The following PRKG1 variants were observed in gnomAD, a reference collection of about 807,000 sequenced individuals.
The protein encoded by PRKG1 is protein kinase cGMP-dependent 1.
A neutral mutation model predicts 88.1 loss-of-function variants in PRKG1; 35 were observed. The ratio of observed to expected loss-of-function variants is 0.40; its 90% CI spans 0.30 to 0.53. PRKG1 has a LOEUF of 0.53. PRKG1 is among the 20% of genes least tolerant of loss of function. The pLI is 0.59. For missense variants in PRKG1, 540 were observed against 839.8 expected, an observed-to-expected ratio of 0.64 and a Z score of 4.41; for synonymous variants, 303 against 292.5, an observed-to-expected ratio of 1.04 and a Z score of -0.37.
chr10:51,732,192 T>A (rs1342605411), intron 3 of PRKG1, among the ~76,000 whole-genome samples: 1 of 152,152 alleles, frequency 6.6e-6, no homozygotes, highest in African/African-American at 2.4e-5. Context: ...CCCAGAGTGC[T>A]GGGTCTACGG....
At chr10:51,098,710 T>C (rs987335514) in intron 1 of PRKG1, among the ~76,000 whole-genome samples, 2 of 152,368 alleles carry the variant, frequency 1.3e-5, no homozygotes, top group African/African-American at 4.8e-5. Flanking sequence ...ATTGTCAAGC[T>C]GTCCATGAAG....
rs369449919 is a variant in PRKG1 at position 52,203,785 on chromosome 10, T to A, written c.1076+41822T>A. 5.9e-5 allele frequency among the ~76,000 whole-genome samples: 9 copies of A among 152,332 alleles called. No homozygotes were observed. The East Asian group carries it at 1.7e-3, about 29-fold the overall frequency. The stretch of plus-strand genomic sequence containing the variant: ...ATATAATGCCCTTCTTTGCCTTTAT[T>A]TATCATTGTCGGATTAAAGTCTGTT... On this transcript the variant is annotated intron_variant, in intron 9 of 17. Transcript: ENST00000373980.
chr10:52,196,497 A>G (rs888040888), intron 9 of PRKG1, among the ~76,000 whole-genome samples: 7 of 152,252 alleles, frequency 4.6e-5, no homozygotes, highest in South Asian at 4.1e-4. Context: ...TAATTAAAAC[A>G]TAAATTAGAA....
intron 3 of PRKG1, among the ~76,000 whole-genome samples, chr10:51,537,589 C>T (rs1450654133): frequency 2.0e-5 from 3 of 151,848 alleles, no homozygotes; most frequent in Non-Finnish European, 2.9e-5. Context: ...ATTAGCTAGG[C>T]GTGGTGGCAT....
At chr10:51,767,401 T>C (rs1418830853) in intron 3 of PRKG1, among the ~76,000 whole-genome samples, 1 of 152,168 alleles carries the variant, frequency 6.6e-6, no homozygotes, top group African/African-American at 2.4e-5. Flanking sequence ...AGGAACTGTT[T>C]GGTTTGTAAG....
At chr10:51,681,930 G>A (rs763188758) in intron 3 of PRKG1, among the ~76,000 whole-genome samples, 3 of 152,062 alleles carry the variant, frequency 2.0e-5, no homozygotes, top group Non-Finnish European at 4.4e-5. Flanking sequence ...ATATATGTGC[G>A]CTATATATAT....
chr10:52,278,510 G>GT (rs1841925136), intron 12 of PRKG1, among the ~76,000 whole-genome samples: 1 of 152,134 alleles, frequency 6.6e-6, no homozygotes, highest in Admixed American at 6.6e-5. Context: ...ACATGCACAT[G>GT]TATGTTTATT....
Position 52,293,887 on chromosome 10 carries a change from A to G in PRKG1, c.2048A>G (p.Asp683Gly), listed in dbSNP as rs1564549596. The change falls in exon 18 of 18, where the codon GAT becomes GGT. Residue 683 changes from aspartate (D) to glycine (G), a missense_variant. Asp to Gly is a moderately conservative substitution (Grantham distance 94). Coordinates refer to ENST00000373980, the MANE Select transcript of PRKG1 (RefSeq NM_006258.4). ...CCACCTGATGACAACTCAGGATGGG[A>G]TATAGACTTCTAATGTATTTCTCTT... Reference protein sequence around the residue: ...EPPPDDNSGWDIDF With the variant: ...EPPPDDNSGWGIDF 6.2e-7 allele frequency: 1 copy of G among 1,610,096 alleles called. No homozygotes were observed. Among genetic ancestry groups the G allele is most frequent in the Non-Finnish European group, 8.5e-7 (1 of 1,176,636 alleles).
At chr10:51,440,260 G>A (rs1839062502) in intron 2 of PRKG1, among the ~76,000 whole-genome samples, 1 of 151,634 alleles carries the variant, frequency 6.6e-6, no homozygotes, top group Non-Finnish European at 1.5e-5. Flanking sequence ...TATAGTATAA[G>A]TACAGACAGT....
chr10:51,758,418 G>A (rs1589262866), intron 3 of PRKG1, among the ~76,000 whole-genome samples: 1 of 152,168 alleles, frequency 6.6e-6, no homozygotes, highest in East Asian at 1.9e-4. Context: ...TAGTCAGTGG[G>A]TTATTGGCCC....
intron 2 of PRKG1, among the ~76,000 whole-genome samples, chr10:51,193,785 ACT>A (rs1012897454): frequency 3.9e-5 from 6 of 152,040 alleles, no homozygotes; most frequent in African/African-American, 1.4e-4. Flanking sequence ...TAGTAACTTT[ACT>A]CTGTTTGATC....
chr10:51,471,472 G>T (rs111590038), intron 3 of PRKG1, among the ~76,000 whole-genome samples: 1 of 151,742 alleles, frequency 6.6e-6, no homozygotes, highest in Non-Finnish European at 1.5e-5. Flanking sequence ...TCATTATCAC[G>T]TTTTCCTAAA....
intron 9 of PRKG1, among the ~76,000 whole-genome samples, chr10:52,202,358 T>C (rs981790898): frequency 1.3e-5 from 2 of 152,200 alleles, no homozygotes; most frequent in Non-Finnish European, 2.9e-5. Context: ...TATTGATTTG[T>C]ATATACTGAA....
chr10:51,640,634 T>C (rs1037938479), intron 3 of PRKG1, among the ~76,000 whole-genome samples: 1 of 152,188 alleles, frequency 6.6e-6, no homozygotes, highest in East Asian at 1.9e-4. Context: ...ATTAAAACCA[T>C]CTGACTACAT....
intron 1 of PRKG1, among the ~76,000 whole-genome samples, chr10:51,080,018 A>G (rs1167653471): frequency 1.3e-5 from 2 of 152,204 alleles, no homozygotes; most frequent in Non-Finnish European, 2.9e-5. Flanking sequence ...TTGTTTTTCG[A>G]AAGTCATCTT....
chr10:51,025,757 A>G (rs1843195993), intron 1 of PRKG1, among the ~76,000 whole-genome samples: 2 of 152,122 alleles, frequency 1.3e-5, no homozygotes, highest in South Asian at 4.1e-4. Flanking sequence ...AGTTCTTTAA[A>G]CTATGGAAGA....
At chr10:51,332,926 C>T (rs1279667063) in intron 2 of PRKG1, among the ~76,000 whole-genome samples, 1 of 152,150 alleles carries the variant, frequency 6.6e-6, no homozygotes, top group Non-Finnish European at 1.5e-5. Context: ...TTATTCAGTG[C>T]TAACTAGAGC....
At chr10:51,106,351 GAGAATACATCATTTAAGACACGATGGTTC>G (rs1320544475) in intron 1 of PRKG1, among the ~76,000 whole-genome samples, 2 of 152,132 alleles carry the variant, frequency 1.3e-5, no homozygotes, top group African/African-American at 4.8e-5. Context: ...CCACCCTCGG[GAGAATACATCATTTAAGACACGATGGTTC>G]AGCTAGAGAA....
At chr10:51,509,752 G>T (rs1025681264) in intron 3 of PRKG1, among the ~76,000 whole-genome samples, 3 of 152,124 alleles carry the variant, frequency 2.0e-5, no homozygotes, top group Admixed American at 1.3e-4. Flanking sequence ...TAGGGAGGTG[G>T]CTTCATCTCC....
Sources: gnomAD v4.1 joint callset for allele counts (sites outside exome capture counted in the v4.1 genomes callset) on GRCh38, gnomAD v4.1.1 for gene constraint, MANE v1.5 for transcripts, NCBI Gene and HGNC (gene_info 2026-07-23, HGNC 2026-07-21) for gene names.